The following UFSP2 variants were observed in gnomAD, a reference collection of about 807,000 sequenced individuals.
The protein encoded by UFSP2 is UFM1 specific peptidase 2, also known as ufm1-specific protease 2.
Under a neutral mutation model 60.2 loss-of-function variants are expected in UFSP2, and 43 were observed. The ratio of observed to expected loss-of-function variants is 0.71; its 90% CI spans 0.56 to 0.92. The LOEUF (loss-of-function observed/expected upper bound fraction) is 0.92, where lower values mean the gene tolerates loss of function less well. Among genes scored for constraint, UFSP2 ranks in the 40% least tolerant of loss-of-function variants. UFSP2 has a pLI of 0.00. For missense variants in UFSP2, 520 were observed against 575.0 expected (o/e 0.90, Z 0.98); for synonymous variants, 183 against 195.1 (o/e 0.94, Z 0.52).
chr4:185,415,905 T>C, intron 4 of UFSP2, 38 bp from the exon 5 acceptor site: 2 of 1,507,744 alleles, frequency 1.3e-6, no homozygotes, highest in Non-Finnish European at 1.8e-6. Flanking sequence ...TTGTAGTGCA[T>C]TAAACACTAA....
intron 4 of UFSP2, among the ~76,000 whole-genome samples, chr4:185,417,115 T>C (rs1208520800): frequency 6.6e-6 from 1 of 152,198 alleles, no homozygotes; most frequent in Non-Finnish European, 1.5e-5. Flanking sequence ...TCACCAATAA[T>C]AGCAACAGAC....
rs768980279 is a variant in UFSP2, at chr4:185,408,052, G to A, written c.1005C>T (p.Val335=). ...PTHREIQQAL[V]DAGDKPATFV... ...ATGTTGCTGGTTTGTCCCCGGCATC[G>A]ACTAGAGCCTTGATGTATTTAAAAA... Residue 335 remains valine (V), a synonymous_variant, in exon 9 of 12, where the codon GTC becomes GTT. Transcript: ENST00000264689. 11 of 1,613,550 alleles carry A rather than the reference G, an allele frequency of 6.8e-6. No homozygotes were observed. The highest frequency in any genetic ancestry group is 1.1e-5 in the South Asian group (1 of 91,052).
intron 10 of UFSP2, among the ~76,000 whole-genome samples, 165 bp downstream of exon 10, chr4:185,405,615 C>T (rs1250416016): frequency 6.6e-6 from 1 of 152,140 alleles, no homozygotes; most frequent in Non-Finnish European, 1.5e-5. Flanking sequence ...AACCTTTAAG[C>T]CACCTTAGAA....
chr4:185,399,632 G>A lies in UFSP2; in HGVS notation c.*760C>T. 2 of 1,614,192 alleles carry A rather than the reference G, an allele frequency of 1.2e-6. No individual in the cohort carries two copies. The highest frequency in any genetic ancestry group is 1.7e-6 in the Non-Finnish European group (2 of 1,180,022). ...GCTTGGTCATGTGGATTTCCAGACT[G>A]TGCCAAGTTTCTTACAACAATTAAA... On this transcript the variant is annotated 3_prime_UTR_variant, in exon 12 of 12. Transcript: ENST00000264689.
At chr4:185,408,568 A>G (rs2095524239) in intron 7 of UFSP2, 133 bp from the exon 8 acceptor site, 1 of 923,396 alleles carries the variant, frequency 1.1e-6, no homozygotes. Flanking sequence ...ATGCCTTCAC[A>G]GATCTATGGT....
intron 7 of UFSP2, among the ~76,000 whole-genome samples, chr4:185,411,941 T>C (rs1041864379): frequency 6.6e-6 from 1 of 152,232 alleles, no homozygotes; most frequent in African/African-American, 2.4e-5. Context: ...GAGATTGATA[T>C]GTAACATATA....
Position 185,422,537 on chromosome 4 carries a change from G to C in UFSP2, c.30C>G (p.Leu10=). ...AATCAAGGCCTCCTCTTATTCTGAAGAGTATATCCATACTTTCTGAAATCA... is the reference window on the plus strand; with the variant it reads ...AATCAAGGCCTCCTCTTATTCTGAACAGTATATCCATACTTTCTGAAATCA... MVISESMDI[L]FRIRGGLDLA... Residue 10 remains leucine, a synonymous_variant, in exon 2 of 12, where the codon CTC becomes CTG. Transcript: ENST00000264689. The C allele has an allele frequency of 3.1e-6, 5 of 1,611,054 alleles. No individual in the cohort carries two copies. Among genetic ancestry groups the C allele is most frequent in the Non-Finnish European group, 3.4e-6 (4 of 1,179,126 alleles).
At position 185,415,186 on chromosome 4, in the gene UFSP2, A is replaced by G; in HGVS notation, c.653T>C (p.Ile218Thr). The G allele has an allele frequency of 6.2e-7, 1 of 1,602,946 alleles. No homozygotes were observed. The highest frequency in any genetic ancestry group is 8.5e-7 in the Non-Finnish European group (1 of 1,177,670). The change falls in exon 6 of 12, where the codon ATA (isoleucine) becomes ACA (threonine). Residue 218 changes from isoleucine to threonine, a missense_variant. Ile to Thr is a moderately conservative substitution (Grantham distance 89). Transcript: ENST00000264689. ...NLVTISYPSG[I>T]PDGQLQAYRK... ...ATAGGCCTGCAGCTGGCCATCTGGT[A>G]TTCCTGAAGGATATGAAATTGTTAC...
chr4:185,406,154 C>A, intron 9 of UFSP2: 1 of 382,882 alleles, frequency 2.6e-6, no homozygotes, highest in Non-Finnish European at 4.9e-6. Context: ...GTTAAAACAT[C>A]ACCTTGGTGC....
intron 7 of UFSP2, among the ~76,000 whole-genome samples, chr4:185,412,664 G>A (rs1241540932): frequency 5.9e-5 from 9 of 152,146 alleles, no homozygotes; most frequent in African/African-American, 2.2e-4. Flanking sequence ...AGGATACAGA[G>A]GGTATGAGGT....
chr4:185,407,891 C>T (rs909916844), intron 9 of UFSP2, 45 bp downstream of exon 9: 2 of 1,566,400 alleles, frequency 1.3e-6, no homozygotes, highest in Admixed American at 1.8e-5. Flanking sequence ...AAATGACAGA[C>T]TGTCACTTTG....
Position 185,403,918 on chromosome 4 carries a change from C to T in UFSP2, c.1199-300G>A, listed in dbSNP as rs1199194342. ...CCTGGGAGACGGAGCTTGCACTGAG[C>T]CGAGATCATGCCACCGCACTCCAGC... is the stretch of plus-strand genomic sequence containing the variant. On this transcript the variant is annotated intron_variant, in intron 10 of 11. Coordinates refer to ENST00000264689, the MANE Select transcript of UFSP2 (RefSeq NM_018359.5). Among the ~76,000 whole-genome samples the T allele has an allele frequency of 2.1e-5, 3 of 145,134 alleles. No homozygotes were observed. In the Admixed American group the frequency reaches 2.2e-4, roughly 10 times the overall value.
intron 10 of UFSP2, among the ~76,000 whole-genome samples, chr4:185,405,488 G>A (rs771943093): frequency 5.9e-5 from 9 of 152,124 alleles, no homozygotes; most frequent in East Asian, 1.9e-4. Flanking sequence ...CATGACTTAC[G>A]AAGCTCAGCT....
In UFSP2 at chr4:185,408,030, TTGC is replaced by T; in HGVS notation, c.1024_1026del (p.Ala342del). On this transcript the variant is annotated inframe_deletion, in exon 9 of 12. Coordinates refer to ENST00000264689, the MANE Select transcript of UFSP2 (RefSeq NM_018359.5). ...ATCCATTGCCGCGATCCGACAAATG[TTGC>T]TGGTTTGTCCCCGGCATCGACTAGA... is the stretch of plus-strand genomic sequence containing the variant. The T allele has an allele frequency of 6.2e-7, 1 of 1,613,922 alleles. No individual in the cohort carries two copies. The highest frequency in any genetic ancestry group is 8.5e-7 in the Non-Finnish European group (1 of 1,179,796).
chr4:185,418,633 C>A lies in UFSP2; in HGVS notation c.220G>T (p.Glu74Ter). ...TTACAAGCAGAAGCATCAGTCAGTT[C>A]TCCAGGAATGGTGTTTATGTCACTG... ...PSSDINTIPGELTDASACKNI... is the reference protein window; with the variant it reads ...PSSDINTIPG Residue 74 changes from glutamate to a stop codon, truncating the protein, a stop_gained, in exon 3 of 12, where the codon GAA (glutamate) becomes TAA (stop). Coordinates refer to ENST00000264689, the MANE Select transcript of UFSP2 (RefSeq NM_018359.5). LOFTEE classifies it high-confidence loss of function. 6.2e-7 allele frequency: 1 copy of A among 1,613,814 alleles called. No individual in the cohort carries two copies. Among genetic ancestry groups the A allele is most frequent in the Non-Finnish European group, 8.5e-7 (1 of 1,179,948 alleles).
At chr4:185,415,635 C>A in intron 5 of UFSP2, 75 bp downstream of exon 5, 1 of 1,332,430 alleles carries the variant, frequency 7.5e-7, no homozygotes, top group Non-Finnish European at 1.0e-6. Flanking sequence ...TTAGGTATAC[C>A]TACAGGATAT....
At position 185,407,968 on chromosome 4, in the gene UFSP2, C is replaced by G. The variant is rs2095523285; in HGVS notation, c.1089G>C (p.Leu363Phe). The G allele has an allele frequency of 6.2e-7, 1 of 1,614,132 alleles. No individual in the cohort carries two copies. Among genetic ancestry groups the G allele is most frequent in the Non-Finnish European group, 8.5e-7 (1 of 1,180,020 alleles). The change falls in exon 9 of 12, where the codon TTG becomes TTC. Residue 363 changes from leucine (L) to phenylalanine (F), a missense_variant. Leu to Phe is a conservative substitution (Grantham distance 22). Transcript: ENST00000264689. ...SIEVQLVLNQ[L>F]IGITSKILFV... ...ACAGGATTTTTGACGTTATACCGAT[C>G]AATTGGTTTAGTACCAGCTGCACCT...
chr4:185,403,622 T>A lies in UFSP2; in HGVS notation c.1199-4A>T. ...GTGTGGGCCAAAACTCCTCCCCCTA[T>A]AGAAGAAAAAATAGGAAATACGAAT... is the stretch of plus-strand genomic sequence containing the variant. On this transcript the variant is annotated splice_polypyrimidine_tract_variant and splice_region_variant and intron_variant, in intron 10 of 11. Coordinates refer to ENST00000264689, the MANE Select transcript of UFSP2 (RefSeq NM_018359.5). The A allele has an allele frequency of 6.3e-7, 1 of 1,597,386 alleles. No individual in the cohort carries two copies. The highest frequency in any genetic ancestry group is 8.5e-7 in the Non-Finnish European group (1 of 1,175,906).
At chr4:185,406,646 G>T (rs2095520829) in intron 9 of UFSP2, among the ~76,000 whole-genome samples, 1 of 152,162 alleles carries the variant, frequency 6.6e-6, no homozygotes, top group Non-Finnish European at 1.5e-5. Flanking sequence ...CGCGATCTCA[G>T]CTCACTGCAA....
Sources: allele counts gnomAD v4.1 joint callset (sites outside exome capture counted in the v4.1 genomes callset), GRCh38; gene constraint gnomAD v4.1.1; transcripts MANE v1.5; gene names NCBI Gene and HGNC (gene_info 2026-07-23, HGNC 2026-07-21).